CNTNAP2: variants seen among roughly 807,000 people sequenced by gnomAD.
The protein encoded by CNTNAP2 is contactin-associated protein-like 2.
Under a neutral mutation model 155.2 loss-of-function variants are expected in CNTNAP2, and 98 were observed. That is an observed-to-expected ratio of 0.63 (90% CI 0.54 to 0.75). CNTNAP2 has a LOEUF of 0.75. CNTNAP2 is among the 30% of genes least tolerant of loss of function. The pLI is 0.00. For missense variants in CNTNAP2, 1,727 were observed against 1,688.1 expected, an observed-to-expected ratio of 1.02 and a Z score of -0.40; for synonymous variants, 651 against 631.2, an observed-to-expected ratio of 1.03 and a Z score of -0.47.
chr7:146,139,111 T>A (rs1797840482), intron 1 of CNTNAP2, among the ~76,000 whole-genome samples: 1 of 152,134 alleles, frequency 6.6e-6, no homozygotes, highest in South Asian at 2.1e-4. Context: ...GTGTATTGGT[T>A]GTTAACCCTC....
intron 1 of CNTNAP2, among the ~76,000 whole-genome samples, chr7:146,313,918 G>T (rs1171342351): frequency 6.6e-6 from 1 of 152,070 alleles, no homozygotes; most frequent in African/African-American, 2.4e-5. Flanking sequence ...GGAATCTCTT[G>T]AACCCGTGAA....
chr7:146,581,212 A>G (rs1466773478), intron 1 of CNTNAP2, among the ~76,000 whole-genome samples: 1 of 152,102 alleles, frequency 6.6e-6, no homozygotes, highest in Non-Finnish European at 1.5e-5. Context: ...TAAGGCCTCC[A>G]TTGCCTAAGT....
At chr7:147,945,038 CATA>C (rs762921382) in intron 14 of CNTNAP2, among the ~76,000 whole-genome samples, 3 of 152,154 alleles carry the variant, frequency 2.0e-5, no homozygotes, top group Non-Finnish European at 4.4e-5. Flanking sequence ...AAGGTGGATG[CATA>C]ATATTTTTTC....
chr7:146,636,712 G>A (rs529144074), intron 1 of CNTNAP2, among the ~76,000 whole-genome samples: 14 of 152,104 alleles, frequency 9.2e-5, no homozygotes, highest in South Asian at 2.1e-4. Flanking sequence ...AGGTCAAATC[G>A]TCTTAATACA....
At chr7:146,719,574 G>GT (rs1015254193) in intron 1 of CNTNAP2, among the ~76,000 whole-genome samples, 61 of 152,132 alleles carry the variant, frequency 4.0e-4, no homozygotes, top group African/African-American at 1.4e-3. Context: ...GAACATTGGA[G>GT]TTTTTTCCAT....
At chr7:147,868,102 T>C (rs1322635029) in intron 13 of CNTNAP2, among the ~76,000 whole-genome samples, 3 of 152,154 alleles carry the variant, frequency 2.0e-5, no homozygotes, top group Non-Finnish European at 4.4e-5. Flanking sequence ...ACCTTTGGTC[T>C]ATGTGATGGT....
chr7:146,517,873 A>G (rs1378453505), intron 1 of CNTNAP2, among the ~76,000 whole-genome samples: 1 of 151,902 alleles, frequency 6.6e-6, no homozygotes, highest in Non-Finnish European at 1.5e-5. Context: ...GCAGCTGCAT[A>G]ATAGCCCATT....
intron 1 of CNTNAP2, among the ~76,000 whole-genome samples, chr7:146,358,226 G>A (rs1224558198): frequency 2.6e-5 from 4 of 152,058 alleles, no homozygotes; most frequent in East Asian, 2.0e-4. Flanking sequence ...AGTAGAGACG[G>A]GGTTTCCCCG....
chr7:148,155,959 G>C (rs1805390836), intron 17 of CNTNAP2, among the ~76,000 whole-genome samples: 2 of 152,176 alleles, frequency 1.3e-5, no homozygotes, highest in South Asian at 4.1e-4. Flanking sequence ...AGGAAGATTT[G>C]CAGGCCCCAC....
At position 148,416,691 on chromosome 7, in the gene CNTNAP2, A is replaced by G. The variant is rs772266075; in HGVS notation, c.*1075A>G. Reference sequence around the variant, plus strand: ...GGACACAACACAATAAAGTCAAGTTATTATTGCTGTTACTCTGGATGATAT... The same window carrying G: ...GGACACAACACAATAAAGTCAAGTTGTTATTGCTGTTACTCTGGATGATAT... On this transcript the variant is annotated 3_prime_UTR_variant, in exon 24 of 24. Coordinates refer to ENST00000361727, the MANE Select transcript of CNTNAP2 (RefSeq NM_014141.6). The G allele has an allele frequency of 6.6e-6, 1 of 152,642 alleles. No individual in the cohort carries two copies. The highest frequency in any genetic ancestry group is 2.1e-4 in the South Asian group (1 of 4,832). The allele number at this position is 152,642 out of a possible 1,614,324, so 9.5% of individuals were successfully genotyped here.
At chr7:146,383,200 A>C (rs1456163172) in intron 1 of CNTNAP2, among the ~76,000 whole-genome samples, 1 of 152,196 alleles carries the variant, frequency 6.6e-6, no homozygotes, top group Non-Finnish European at 1.5e-5. Flanking sequence ...GCTGATTTTA[A>C]GGAAGCCATC....
intron 2 of CNTNAP2, among the ~76,000 whole-genome samples, chr7:146,775,153 C>T (rs531191039): frequency 6.6e-6 from 1 of 152,022 alleles, no homozygotes; most frequent in African/African-American, 2.4e-5. Context: ...TTGACAGGGG[C>T]TTCGGTGGAG....
intron 13 of CNTNAP2, among the ~76,000 whole-genome samples, chr7:147,781,783 G>A (rs1797664918): frequency 6.6e-6 from 1 of 152,188 alleles, no homozygotes; most frequent in Non-Finnish European, 1.5e-5. Flanking sequence ...CAGCACTTTG[G>A]GAGGCTGAGG....
At chr7:146,696,328 G>T (rs146659962) in intron 1 of CNTNAP2, among the ~76,000 whole-genome samples, 1,803 of 152,218 alleles carry the variant, frequency 0.012, 21 homozygotes, top group Middle Eastern at 0.054. Context: ...TGTTTAAAAT[G>T]CTTACGCCTA....
chr7:147,613,713 G>A (rs1168122345), intron 12 of CNTNAP2, among the ~76,000 whole-genome samples: 2 of 151,924 alleles, frequency 1.3e-5, no homozygotes, highest in Admixed American at 1.3e-4. Context: ...CATGGTGGTG[G>A]GCACCCATAA....
chr7:147,400,676 G>C (rs554500319), intron 10 of CNTNAP2, among the ~76,000 whole-genome samples: 2 of 152,306 alleles, frequency 1.3e-5, no homozygotes, highest in African/African-American at 4.8e-5. Context: ...GCTGCTAAGA[G>C]CTAAGCAGAA....
intron 15 of CNTNAP2, chr7:148,013,314 G>T (rs568917971): frequency 6.6e-6 from 1 of 152,196 alleles, no homozygotes; most frequent in South Asian, 2.1e-4. Context: ...TGCTGTCAAC[G>T]GTGAATGCCC....
chr7:147,599,139 G>A (rs1428728645), intron 12 of CNTNAP2, among the ~76,000 whole-genome samples: 1 of 152,020 alleles, frequency 6.6e-6, no homozygotes, highest in Non-Finnish European at 1.5e-5. Flanking sequence ...ACATAGAACA[G>A]GGGTTAAACG....
At chr7:147,373,967 A>G (rs549759148) in intron 9 of CNTNAP2, among the ~76,000 whole-genome samples, 1 of 152,130 alleles carries the variant, frequency 6.6e-6, no homozygotes, top group African/African-American at 2.4e-5. Flanking sequence ...AGGAAAAAAA[A>G]AGCAAACATA....
Sources: gnomAD v4.1 joint callset for allele counts (sites outside exome capture counted in the v4.1 genomes callset) on GRCh38, gnomAD v4.1.1 for gene constraint, MANE v1.5 for transcripts, NCBI Gene and HGNC (gene_info 2026-07-23, HGNC 2026-07-21) for gene names.